The following EYS variants were observed in gnomAD, a reference collection of about 807,000 sequenced individuals.
EYS encodes the protein EGF-like photoreceptor maintenance factor.
A neutral mutation model predicts 282.1 loss-of-function variants in EYS; 250 were observed. The observed-to-expected ratio is 0.89, with a 90% CI of 0.80 to 0.98. The LOEUF is 0.98. EYS is among the 50% of genes least tolerant of loss of function. EYS has a pLI of 0.00. For missense variants in EYS, 4,016 were observed against 3,709.0 expected, an observed-to-expected ratio of 1.08 and a Z score of -2.15; for synonymous variants, 1,355 against 1,282.9, an observed-to-expected ratio of 1.06 and a Z score of -1.20.
chr6:64,352,513 G>A (rs1196473792), intron 29 of EYS, among the ~76,000 whole-genome samples: 1 of 151,424 alleles, frequency 6.6e-6, no homozygotes, highest in African/African-American at 2.4e-5. Context: ...ACTAACCTAT[G>A]AAACCCTTGT....
intron 26 of EYS, among the ~76,000 whole-genome samples, chr6:64,468,264 GC>G (rs1159854213): frequency 2.0e-5 from 3 of 152,198 alleles, no homozygotes; most frequent in African/African-American, 4.8e-5. Context: ...TGACACCGCT[GC>G]CACTGATTAC....
At chr6:64,199,186 C>T (rs933458420) in intron 31 of EYS, among the ~76,000 whole-genome samples, 5 of 152,182 alleles carry the variant, frequency 3.3e-5, no homozygotes, top group Admixed American at 2.6e-4. Flanking sequence ...TCAAACTATA[C>T]TACAAGGCTA....
At chr6:64,766,649 A>AAAAAATATATATATAT (rs1387919586) in intron 22 of EYS, among the ~76,000 whole-genome samples, 9 of 19,062 alleles carry the variant, frequency 4.7e-4, no homozygotes, top group Non-Finnish European at 5.1e-4. Flanking sequence ...AAAAAAAAAA[A>AAAAAATATATATATAT]ATATATATAT....
intron 22 of EYS, among the ~76,000 whole-genome samples, chr6:64,811,247 C>A (rs1031107245): frequency 5.3e-5 from 8 of 152,110 alleles, no homozygotes; most frequent in African/African-American, 1.9e-4. Flanking sequence ...GACAGATCTT[C>A]AGGGGCTTTT....
intron 2 of EYS, among the ~76,000 whole-genome samples, chr6:65,499,739 C>T (rs73743920): frequency 0.027 from 4,048 of 151,870 alleles, 121 homozygotes; most frequent in African/African-American, 0.073. Context: ...GAATGATGAA[C>T]ATTTTAGCAA....
chr6:64,734,124 G>GAAA lies in EYS; in HGVS notation c.3443+79251_3443+79253dup, dbSNP rs5876917. ...TGCCCATATTGCAGATATTTTAAGG[G>GAAA]AAAAAAAAAAACAAGTAGAAACAAA... On this transcript the variant is annotated intron_variant, in intron 22 of 42. Transcript: ENST00000503581. Among the ~76,000 whole-genome samples, 585 of 147,646 alleles carry GAAA rather than the reference G, an allele frequency of 4.0e-3. 8 individuals are homozygous for GAAA. Among genetic ancestry groups the GAAA allele is most frequent in the African/African-American group, 0.014 (545 of 40,174 alleles).
chr6:64,213,812 A>C (rs1414904553), intron 31 of EYS, among the ~76,000 whole-genome samples: 2 of 152,148 alleles, frequency 1.3e-5, no homozygotes, highest in African/African-American at 4.8e-5. Context: ...AATGGGTTTA[A>C]AATGAAGGAA....
chr6:64,275,727 C>A (rs1375342017), intron 30 of EYS, among the ~76,000 whole-genome samples: 15 of 150,710 alleles, frequency 1.0e-4, no homozygotes, highest in Admixed American at 9.9e-4. Context: ...GAGGCCGAGG[C>A]GGGCGGATCA....
At chr6:64,390,951 C>G (rs577620726) in intron 28 of EYS, among the ~76,000 whole-genome samples, 48 of 151,516 alleles carry the variant, frequency 3.2e-4, no homozygotes, top group Non-Finnish European at 6.0e-4. Flanking sequence ...AGCTGAAAAC[C>G]AAGGCTCGAG....
At chr6:64,202,700 GACGAGATCATCCTCCATGAGA>G in intron 31 of EYS, among the ~76,000 whole-genome samples, 1 of 152,126 alleles carries the variant, frequency 6.6e-6, no homozygotes, top group African/African-American at 2.4e-5. Context: ...AGAACCTTGA[GACGAGATCATCCTCCATGAGA>G]GTAGGCCCTA....
At chr6:65,622,718 T>G (rs146336388) in intron 2 of EYS, among the ~76,000 whole-genome samples, 1 of 152,180 alleles carries the variant, frequency 6.6e-6, no homozygotes, top group East Asian at 1.9e-4. Context: ...AGACCACATT[T>G]TTAATGAATA....
intron 12 of EYS, among the ~76,000 whole-genome samples, chr6:65,206,023 A>T (rs1766024568): frequency 2.0e-5 from 3 of 151,878 alleles, no homozygotes; most frequent in Non-Finnish European, 4.4e-5. Flanking sequence ...AGAAGAAAAG[A>T]AATAACAGAT....
intron 1 of EYS, among the ~76,000 whole-genome samples, chr6:65,672,457 T>C (rs1369439313): frequency 3.3e-5 from 5 of 152,116 alleles, no homozygotes; most frequent in South Asian, 2.1e-4. Flanking sequence ...CCGCAAAATA[T>C]GTAGCTGGGT....
chr6:63,933,089 C>T (rs1764945934), intron 35 of EYS, among the ~76,000 whole-genome samples: 2 of 152,188 alleles, frequency 1.3e-5, no homozygotes, highest in Non-Finnish European at 2.9e-5. Flanking sequence ...CTGCATAGGG[C>T]AAGGCATGTG....
chr6:63,794,894 C>A (rs1057067301), intron 37 of EYS, among the ~76,000 whole-genome samples: 1 of 152,058 alleles, frequency 6.6e-6, no homozygotes, highest in Non-Finnish European at 1.5e-5. Context: ...TTAGACAAGG[C>A]AAGAGATACT....
chr6:64,314,421 G>A (rs190121338), intron 29 of EYS, among the ~76,000 whole-genome samples: 21 of 152,076 alleles, frequency 1.4e-4, no homozygotes, highest in East Asian at 3.9e-4. Context: ...TTAGACTCCC[G>A]CATAATAATA....
chr6:63,721,087 TA>T lies in EYS; in HGVS notation c.8943del (p.Ile2982TyrfsTer3). The T allele has an allele frequency of 6.4e-7, 1 of 1,551,384 alleles. No homozygotes were observed. Among genetic ancestry groups the T allele is most frequent in the African/African-American group, 1.4e-5 (1 of 73,164 alleles). On this transcript the variant is annotated frameshift_variant, in exon 43 of 43. Transcript: ENST00000503581. LOFTEE classifies it high-confidence loss of function. The part of the protein sequence containing the change: ...NYRMRNLQFT[T>X]ISLNFSTTKT... ...TTAGTGGTACTGAAATTTAAGGATA[TA>T]GTAGTGAACTGGAGGTTTCTCATTC... is the stretch of plus-strand genomic sequence containing the variant.
chr6:65,593,704 TA>T (rs1765309584), intron 2 of EYS, among the ~76,000 whole-genome samples: 1 of 152,010 alleles, frequency 6.6e-6, no homozygotes, highest in African/African-American at 2.4e-5. Context: ...CCCACGATAT[TA>T]TTTTTTTATT....
chr6:65,194,373 C>T (rs1343404713), intron 12 of EYS, among the ~76,000 whole-genome samples: 2 of 151,796 alleles, frequency 1.3e-5, no homozygotes, highest in African/African-American at 4.8e-5. Flanking sequence ...AAAGAAACAA[C>T]AGAATATTCA....
Sources: gnomAD v4.1 joint callset for allele counts (sites outside exome capture counted in the v4.1 genomes callset) on GRCh38, gnomAD v4.1.1 for gene constraint, MANE v1.5 for transcripts, NCBI Gene and HGNC (gene_info 2026-07-23, HGNC 2026-07-21) for gene names.